RASGEF1B: variants seen among roughly 807,000 people sequenced by gnomAD.
RASGEF1B encodes RasGEF domain family member 1B.
RASGEF1B carries 30 observed loss-of-function variants against 65.7 expected under a neutral mutation model. The ratio of observed to expected loss-of-function variants is 0.46; its 90% CI spans 0.34 to 0.62. The LOEUF (loss-of-function observed/expected upper bound fraction) is 0.62. Among genes scored for constraint, RASGEF1B ranks in the 20% least tolerant of loss-of-function variants. The probability of loss-of-function intolerance (pLI) is 0.01; values close to 1 mark genes in which losing one functional copy is unlikely to be tolerated. For synonymous variants in RASGEF1B, 175 were observed against 194.8 expected (o/e 0.90, Z 0.85); for missense variants, 495 against 580.1 (o/e 0.85, Z 1.51).
chr4:81,448,089 G>T lies in RASGEF1B; in HGVS notation c.634C>A (p.Gln212Lys). The T allele has an allele frequency of 6.2e-7, 1 of 1,614,150 alleles. No homozygotes were observed. The highest frequency in any genetic ancestry group is 8.5e-7 in the Non-Finnish European group (1 of 1,179,998). The change falls in exon 5 of 14, where the codon CAG becomes AAG. Residue 212 changes from glutamine (Q) to lysine (K), a missense_variant. Gln to Lys is a moderately conservative substitution (Grantham distance 53). Transcript: ENST00000264400. ...VCNDPYTLAQQLTHIELERLN... is the reference protein window; with the variant it reads ...VCNDPYTLAQKLTHIELERLN... Reference sequence around the variant, plus strand: ...CTTACCAGCTCTATATGAGTCAGCTGCTGGGCCAACGTGTAAGGGTCGTTG... The same window carrying T: ...CTTACCAGCTCTATATGAGTCAGCTTCTGGGCCAACGTGTAAGGGTCGTTG...
intron 1 of RASGEF1B, among the ~76,000 whole-genome samples, chr4:81,466,182 T>A (rs1314640578): frequency 6.6e-6 from 1 of 152,308 alleles, no homozygotes; most frequent in South Asian, 2.1e-4. Context: ...CGAATTCCCA[T>A]CTAGATGCCA....
At chr4:81,466,022 T>C (rs1474890870) in intron 1 of RASGEF1B, among the ~76,000 whole-genome samples, 2 of 152,236 alleles carry the variant, frequency 1.3e-5, no homozygotes, top group Non-Finnish European at 2.9e-5. Context: ...CATAATATTT[T>C]AGCTTCTGTT....
At chr4:81,454,777 C>A (rs932142192) in intron 4 of RASGEF1B, 1 of 152,096 alleles carries the variant, frequency 6.6e-6, no homozygotes, top group Non-Finnish European at 1.5e-5. Flanking sequence ...CACTTGGGTT[C>A]ATCATAATAT....
intron 1 of RASGEF1B, among the ~76,000 whole-genome samples, chr4:81,469,500 A>G (rs1247592251): frequency 6.6e-6 from 1 of 152,136 alleles, no homozygotes; most frequent in Non-Finnish European, 1.5e-5. Flanking sequence ...GGTGTATTGA[A>G]TTGTTTTTAT....
At chr4:81,432,121 C>T (rs1721451409) in intron 13 of RASGEF1B, among the ~76,000 whole-genome samples, 178 bp downstream of exon 13, 1 of 151,924 alleles carries the variant, frequency 6.6e-6, no homozygotes, top group Non-Finnish European at 1.5e-5. Flanking sequence ...AAATGAAAGA[C>T]AATAAAGCAG....
At chr4:81,451,456 T>C (rs1562138) in intron 4 of RASGEF1B, 70,962 of 151,948 alleles carry the variant, frequency 0.47, 19,925 homozygotes, top group African/African-American at 0.8. Flanking sequence ...TAGGTAAACA[T>C]ACATGGAAAC....
At chr4:81,468,165 C>T (rs1722911085) in intron 1 of RASGEF1B, among the ~76,000 whole-genome samples, 1 of 152,138 alleles carries the variant, frequency 6.6e-6, no homozygotes, top group South Asian at 2.1e-4. Context: ...ATGTGGAGAA[C>T]ATTCTTTAAT....
chr4:81,464,148 CA>C (rs1722732788), intron 1 of RASGEF1B, among the ~76,000 whole-genome samples: 1 of 152,198 alleles, frequency 6.6e-6, no homozygotes, highest in Admixed American at 6.5e-5. Context: ...TATAAACTCT[CA>C]ACTTACTCCT....
intron 3 of RASGEF1B, 91 bp from the exon 4 acceptor site, chr4:81,456,879 C>T: frequency 8.4e-7 from 1 of 1,187,620 alleles, no homozygotes; most frequent in South Asian, 1.5e-5. Context: ...TGAGAAACTT[C>T]TAGTGCAAAG....
At chr4:81,453,636 G>A (rs547112219) in intron 4 of RASGEF1B, 1 of 152,314 alleles carries the variant, frequency 6.6e-6, no homozygotes, top group South Asian at 2.1e-4. Context: ...GAATGACTAT[G>A]AAGGGAAGAG....
intron 13 of RASGEF1B, 108 bp from the exon 14 acceptor site, chr4:81,427,900 T>C (rs1721283240): frequency 5.1e-6 from 6 of 1,185,696 alleles, no homozygotes; most frequent in Non-Finnish European, 7.0e-6. Flanking sequence ...GTTTTAAGTT[T>C]GATTTTACAA....
chr4:81,427,785 G>A lies in RASGEF1B; in HGVS notation c.1405C>T (p.Leu469Phe). Residue 469 changes from leucine (L) to phenylalanine (F), a missense_variant, in exon 14 of 14, where the codon CTC becomes TTC. By Grantham distance (22) the Leu-to-Phe change is conservative (BLOSUM62 0). Transcript: ENST00000264400. Reference protein sequence around the residue: ...KDRWKSLRSSLLGRV With the variant: ...KDRWKSLRSSFLGRV ...CCCATGTGTTAAACTCTGCCTAAGA[G>A]GCTCGACCTGAGTAATAAAAACAAC... is the stretch of plus-strand genomic sequence containing the variant. The A allele has an allele frequency of 6.2e-7, 1 of 1,613,996 alleles. No homozygotes were observed. Among genetic ancestry groups the A allele is most frequent in the Non-Finnish European group, 8.5e-7 (1 of 1,180,006 alleles).
intron 2 of RASGEF1B, 191 bp downstream of exon 2, chr4:81,459,141 A>T (rs917811310): frequency 1.9e-6 from 1 of 527,138 alleles, no homozygotes; most frequent in African/African-American, 1.9e-5. Context: ...TGATACACAT[A>T]GTATACCAAA....
At chr4:81,437,487 A>G (rs1721670825) in intron 10 of RASGEF1B, among the ~76,000 whole-genome samples, 1 of 152,236 alleles carries the variant, frequency 6.6e-6, no homozygotes, top group Non-Finnish European at 1.5e-5. Context: ...AGCTTTTAAA[A>G]AAATAACTTT....
At chr4:81,432,634 T>C (rs1206814820) in intron 12 of RASGEF1B, among the ~76,000 whole-genome samples, 1 of 152,172 alleles carries the variant, frequency 6.6e-6, no homozygotes, top group Non-Finnish European at 1.5e-5. Flanking sequence ...AAAAAGCTTA[T>C]AAAATGTAAG....
chr4:81,434,027 A>G (rs546485600), intron 11 of RASGEF1B, 64 bp from the exon 12 acceptor site: 2 of 1,362,214 alleles, frequency 1.5e-6, no homozygotes, highest in Non-Finnish European at 2.1e-6. Flanking sequence ...AGTTTGGGAG[A>G]GGCAATACCA....
rs146622998 is a variant in RASGEF1B at position 81,433,263 on chromosome 4, A to G, written c.1324+577T>C. ...AAAAAAAGTCATTATTGTAAATACT[A>G]TCAATCTACTATGAGAAACTGTTAA... On this transcript the variant is annotated intron_variant, in intron 12 of 13. Coordinates refer to ENST00000264400, the MANE Select transcript of RASGEF1B (RefSeq NM_152545.3). Among the ~76,000 whole-genome samples, 1,008 of 151,858 alleles carry G rather than the reference A, an allele frequency of 6.6e-3. 7 individuals carry two copies. Among genetic ancestry groups the G allele is most frequent in the Non-Finnish European group, 0.012 (810 of 67,932 alleles).
At position 81,445,574 on chromosome 4, in the gene RASGEF1B, G is replaced by T; in HGVS notation, c.880C>A (p.Arg294=). The part of the protein sequence containing the change: ...RMIEYFIDVA[R]ECFNIGNFNS... ...AAGTTGCCAATGTTAAAACACTCCC[G>T]AGCTACGTCAATGAAATACTCAATC... is the stretch of plus-strand genomic sequence containing the variant. Residue 294 remains arginine, a synonymous_variant, in exon 8 of 14, where the codon CGG becomes AGG. Transcript: ENST00000264400. The T allele has an allele frequency of 1.2e-6, 2 of 1,614,006 alleles. No individual in the cohort carries two copies. Among genetic ancestry groups the T allele is most frequent in the Non-Finnish European group, 1.7e-6 (2 of 1,179,916 alleles).
chr4:81,460,158 T>C (rs1241996575), intron 1 of RASGEF1B, among the ~76,000 whole-genome samples: 2 of 152,212 alleles, frequency 1.3e-5, no homozygotes, highest in African/African-American at 4.8e-5. Context: ...GGGTGGTATC[T>C]GTAAAGCCTC....
Sources: gnomAD v4.1 joint callset for allele counts (sites outside exome capture counted in the v4.1 genomes callset) on GRCh38, gnomAD v4.1.1 for gene constraint, MANE v1.5 for transcripts, NCBI Gene and HGNC (gene_info 2026-07-23, HGNC 2026-07-21) for gene names.